The following POLH variants were observed in gnomAD, a reference collection of about 807,000 sequenced individuals.
POLH encodes the protein DNA polymerase eta transcript.
POLH carries 53 observed loss-of-function variants against 73.6 expected under a neutral mutation model. The ratio of observed to expected loss-of-function variants is 0.72; its 90% confidence interval spans 0.58 to 0.91. The LOEUF (loss-of-function observed/expected upper bound fraction) is 0.91. POLH is among the 40% of genes least tolerant of loss of function. The pLI is 0.00. For synonymous variants in POLH, 292 were observed against 308.5 expected (o/e 0.95, Z 0.56); for missense variants, 768 against 865.4 (o/e 0.89, Z 1.41).
chr6:43,585,315 C>T (rs568307628), intron 3 of POLH, among the ~76,000 whole-genome samples: 2 of 152,056 alleles, frequency 1.3e-5, no homozygotes, highest in Admixed American at 6.6e-5. Context: ...AGGGAGGCTC[C>T]GTTATGTACT....
At chr6:43,589,798 C>T (rs1275479626) in intron 4 of POLH, among the ~76,000 whole-genome samples, 3 of 151,724 alleles carry the variant, frequency 2.0e-5, no homozygotes, top group South Asian at 4.2e-4. Flanking sequence ...GCTAGAACTA[C>T]AAGTATGTGC....
rs1768438936 is a variant in POLH, at chr6:43,617,673, T to TA, written c.*3118dup. On this transcript the variant is annotated 3_prime_UTR_variant, in exon 11 of 11. Coordinates refer to ENST00000372236, the MANE Select transcript of POLH (RefSeq NM_006502.3). ...GGCCGGGTGCAGTGGCTCATGCCTG[T>TA]AATCCCAGCACTTTGGGAGGCTGAG... Among the ~76,000 whole-genome samples, 1 of 151,646 alleles carries TA rather than the reference T, an allele frequency of 6.6e-6. No homozygotes were observed. Among genetic ancestry groups the TA allele is most frequent in the Admixed American group, 6.6e-5 (1 of 15,232 alleles).
chr6:43,592,581 TTTTTGTA>T (rs1161823710), intron 4 of POLH, among the ~76,000 whole-genome samples: 1 of 151,962 alleles, frequency 6.6e-6, no homozygotes, highest in Non-Finnish European at 1.5e-5. Context: ...CCGGCTAATT[TTTTTGTA>T]TTTTTTTTAG....
Position 43,597,786 on chromosome 6 carries a change from C to G in POLH, c.581C>G (p.Ala194Gly), listed in dbSNP as rs1766256726. 6.2e-7 allele frequency: 1 copy of G among 1,613,520 alleles called. No individual in the cohort carries two copies. The highest frequency in any genetic ancestry group is 8.5e-7 in the Non-Finnish European group (1 of 1,179,606). Residue 194 changes from alanine (A) to glycine (G), a missense_variant, in exon 5 of 11, where the codon GCA becomes GGA. Transcript: ENST00000372236. ...CCAGACCTGCAGCTCACCGTGGGAG[C>G]AGTGATTGTGGAGGAAATGAGAGCA... Reference protein sequence around the residue: ...TSPDLQLTVGAVIVEEMRAAI... With the variant: ...TSPDLQLTVGGVIVEEMRAAI...
At chr6:43,577,729 C>G (rs373813600) in intron 1 of POLH, among the ~76,000 whole-genome samples, 2 of 151,858 alleles carry the variant, frequency 1.3e-5, no homozygotes, top group African/African-American at 4.8e-5. Flanking sequence ...GCTGGTGTTT[C>G]GATTGTCTTA....
intron 1 of POLH, among the ~76,000 whole-genome samples, chr6:43,580,849 G>A (rs1399969357): frequency 1.4e-5 from 2 of 145,284 alleles, no homozygotes; most frequent in African/African-American, 2.6e-5. Flanking sequence ...CCGGGCAGAG[G>A]CGCCCCTCAC....
chr6:43,590,178 G>T (rs192352743), intron 4 of POLH, among the ~76,000 whole-genome samples: 10 of 152,036 alleles, frequency 6.6e-5, no homozygotes, highest in Admixed American at 5.3e-4. Context: ...CCAAGATGGT[G>T]AAACTTCGTC....
chr6:43,601,808 C>T lies in POLH; in HGVS notation c.764+717C>T, dbSNP rs1766765671. On this transcript the variant is annotated intron_variant, in intron 6 of 10. Coordinates refer to ENST00000372236, the MANE Select transcript of POLH (RefSeq NM_006502.3). ...GTGCGGTGGCTCACGCCTGTAATCC[C>T]AGCACTTTGGGAGGCGAGGCAGGTG... is the stretch of plus-strand genomic sequence containing the variant. Among the ~76,000 whole-genome samples the T allele has an allele frequency of 1.3e-5, 2 of 152,034 alleles. 1 individual carries two copies. Among genetic ancestry groups the T allele is most frequent in the South Asian group, 4.2e-4 (2 of 4,816 alleles).
At chr6:43,597,653 T>C in intron 4 of POLH, 43 bp from the exon 5 acceptor site, 1 of 1,548,028 alleles carries the variant, frequency 6.5e-7, no homozygotes, top group Non-Finnish European at 8.9e-7. Context: ...ATTAAATAAA[T>C]AATTTTTTAA....
chr6:43,603,608 G>A (rs1766973706), intron 6 of POLH, among the ~76,000 whole-genome samples: 1 of 152,110 alleles, frequency 6.6e-6, no homozygotes. Context: ...GATTTATTTT[G>A]TGTTTGGGAT....
rs552779227 is a variant in POLH, at chr6:43,619,815, G to C, written c.*5258G>C. ...GAGGAAGTTGTTCAACTACAGGCTT[G>C]TTAGTAGCAAGTTAAACCAGTTACA... On this transcript the variant is annotated 3_prime_UTR_variant, in exon 11 of 11. Transcript: ENST00000372236. 1.3e-5 allele frequency among the ~76,000 whole-genome samples: 2 copies of C among 152,348 alleles called. No homozygotes were observed. The highest frequency in any genetic ancestry group is 3.9e-4 in the East Asian group (2 of 5,192).
At chr6:43,586,099 A>G (rs1764796397) in intron 3 of POLH, among the ~76,000 whole-genome samples, 1 of 152,160 alleles carries the variant, frequency 6.6e-6, no homozygotes, top group Admixed American at 6.6e-5. Flanking sequence ...AGAGGTACCG[A>G]TGTTTTCATT....
At chr6:43,610,893 C>T (rs999765311) in intron 10 of POLH, among the ~76,000 whole-genome samples, 170 bp downstream of exon 10, 5 of 152,098 alleles carry the variant, frequency 3.3e-5, no homozygotes, top group Non-Finnish European at 7.3e-5. Flanking sequence ...ACAGATTAGT[C>T]CTTCAATGAG....
intron 1 of POLH, among the ~76,000 whole-genome samples, chr6:43,581,215 G>A (rs1445002394): frequency 2.3e-4 from 35 of 150,818 alleles, no homozygotes; most frequent in Middle Eastern, 6.8e-3. Context: ...CCTCCCAGAC[G>A]GGGTCTCGGC....
In POLH at chr6:43,617,684, C is replaced by CT. The variant is rs1768439493; in HGVS notation, c.*3130dup. On this transcript the variant is annotated 3_prime_UTR_variant, in exon 11 of 11. Transcript: ENST00000372236. ...GTGGCTCATGCCTGTAATCCCAGCA[C>CT]TTTGGGAGGCTGAGGTGGGTGTATC... 6.6e-6 allele frequency among the ~76,000 whole-genome samples: 1 copy of CT among 152,110 alleles called. No individual in the cohort carries two copies. Among genetic ancestry groups the CT allele is most frequent in the South Asian group, 2.1e-4 (1 of 4,820 alleles).
At chr6:43,612,478 C>T (rs1767995882) in intron 10 of POLH, among the ~76,000 whole-genome samples, 1 of 151,212 alleles carries the variant, frequency 6.6e-6, no homozygotes, top group African/African-American at 2.4e-5. Flanking sequence ...TCCTGAGTAG[C>T]TGGGATTACA....
At chr6:43,610,327 G>T (rs1767765547) in intron 9 of POLH, among the ~76,000 whole-genome samples, 1 of 151,838 alleles carries the variant, frequency 6.6e-6, no homozygotes, top group Non-Finnish European at 1.5e-5. Flanking sequence ...AGCCTCCCAA[G>T]GTGCTGGGAT....
chr6:43,596,865 A>C (rs9333540), intron 4 of POLH, among the ~76,000 whole-genome samples: 1,621 of 152,302 alleles, frequency 0.011, 22 homozygotes, highest in African/African-American at 0.035. Flanking sequence ...CCTAAGTCCC[A>C]AGCAACATCT....
chr6:43,600,627 A>G (rs1049275761), intron 5 of POLH, among the ~76,000 whole-genome samples: 2 of 152,190 alleles, frequency 1.3e-5, no homozygotes, highest in African/African-American at 4.8e-5. Context: ...ATGTTTCGGC[A>G]TTTTTGTATA....
Sources: allele counts gnomAD v4.1 joint callset (sites outside exome capture counted in the v4.1 genomes callset), GRCh38; gene constraint gnomAD v4.1.1; transcripts MANE v1.5; gene names NCBI Gene and HGNC (gene_info 2026-07-23, HGNC 2026-07-21).